DCC: variants seen among roughly 807,000 people sequenced by gnomAD.
DCC encodes netrin receptor DCC.
In DCC, 58 loss-of-function variants were observed where a neutral mutation model predicts 172.5. That is an observed-to-expected ratio of 0.34 (90% confidence interval 0.27 to 0.42). DCC has a LOEUF of 0.42. DCC is among the 10% of genes least tolerant of loss of function. The pLI is 1.00. For synonymous variants in DCC, 709 were observed against 644.5 expected, an observed-to-expected ratio of 1.10 and a Z score of -1.52; for missense variants, 1,740 against 1,791.0, an observed-to-expected ratio of 0.97 and a Z score of 0.51.
At chr18:52,961,286 T>C (rs891767656) in intron 5 of DCC, among the ~76,000 whole-genome samples, 8 of 152,142 alleles carry the variant, frequency 5.3e-5, no homozygotes, top group Non-Finnish European at 1.2e-4. Flanking sequence ...AAACTTAAAG[T>C]ATAATAAAAA....
chr18:52,776,182 A>T (rs191953854), intron 2 of DCC, among the ~76,000 whole-genome samples: 1 of 152,330 alleles, frequency 6.6e-6, no homozygotes, highest in Admixed American at 6.5e-5. Context: ...AAATAAAATA[A>T]TCCCAAGATA....
At chr18:52,987,004 A>G (rs1291353504) in intron 5 of DCC, among the ~76,000 whole-genome samples, 1 of 152,056 alleles carries the variant, frequency 6.6e-6, no homozygotes, top group Non-Finnish European at 1.5e-5. Context: ...TTGTATCTTC[A>G]GTAGAGAAGG....
rs7235142 is a variant in DCC at position 52,859,830 on chromosome 18, A to G, written c.413-46214A>G. ...ATTTCAGTTCCTACTTTGAAACTTCAAAAAATTACATACATAAAAAGGCAA... is the reference window on the plus strand; with the variant it reads ...ATTTCAGTTCCTACTTTGAAACTTCGAAAAATTACATACATAAAAAGGCAA... On this transcript the variant is annotated intron_variant, in intron 2 of 28. Transcript: ENST00000442544. Among the ~76,000 whole-genome samples the G allele has an allele frequency of 5.8e-3, 883 of 152,278 alleles. 8 individuals carry two copies. Among genetic ancestry groups the G allele is most frequent in the African/African-American group, 0.019 (801 of 41,526 alleles).
At chr18:52,451,997 C>T (rs765698626) in intron 1 of DCC, among the ~76,000 whole-genome samples, 5 of 152,158 alleles carry the variant, frequency 3.3e-5, no homozygotes, top group African/African-American at 7.2e-5. Context: ...GGCAATGTCA[C>T]GGCTTGTTGA....
chr18:52,957,637 C>T lies in DCC; in HGVS notation c.985+32267C>T, dbSNP rs202090918. Among the ~76,000 whole-genome samples, 4 of 152,152 alleles carry T rather than the reference C, an allele frequency of 2.6e-5. No individual in the cohort carries two copies. The East Asian group carries it at 7.7e-4, about 29-fold the overall frequency. On this transcript the variant is annotated intron_variant, in intron 5 of 28. Coordinates refer to ENST00000442544, the MANE Select transcript of DCC (RefSeq NM_005215.4). ...GAGAAGACTATAAAGTATGTGTGAA[C>T]AGAGGAAGGCTCTCTCACTCCACTG...
At chr18:53,129,533 T>C (rs1043335763) in intron 7 of DCC, among the ~76,000 whole-genome samples, 7 of 152,138 alleles carry the variant, frequency 4.6e-5, no homozygotes, top group Non-Finnish European at 8.8e-5. Flanking sequence ...TCTAACACCA[T>C]TGCATAGTTT....
intron 1 of DCC, among the ~76,000 whole-genome samples, chr18:52,452,284 C>T (rs1017261351): frequency 8.5e-5 from 13 of 152,306 alleles, no homozygotes; most frequent in Admixed American, 3.3e-4. Context: ...TACCATTCTA[C>T]AAATAAAACC....
chr18:53,325,987 A>G (rs895595488), intron 14 of DCC, among the ~76,000 whole-genome samples: 1 of 152,230 alleles, frequency 6.6e-6, no homozygotes, highest in Non-Finnish European at 1.5e-5. Flanking sequence ...ACATTTTTCA[A>G]GGAAATATTG....
intron 9 of DCC, among the ~76,000 whole-genome samples, chr18:53,184,181 A>G (rs752330005): frequency 9.9e-5 from 15 of 152,008 alleles, no homozygotes; most frequent in Non-Finnish European, 2.2e-4. Flanking sequence ...CAGTCAGCAC[A>G]TTTACATACT....
At chr18:52,525,228 G>A (rs530177026) in intron 1 of DCC, among the ~76,000 whole-genome samples, 6 of 152,130 alleles carry the variant, frequency 3.9e-5, no homozygotes, top group African/African-American at 1.4e-4. Flanking sequence ...TAGCCACTAG[G>A]ATGTCTAGTC....
At chr18:53,187,040 A>G (rs1252040187) in intron 9 of DCC, among the ~76,000 whole-genome samples, 1 of 152,032 alleles carries the variant, frequency 6.6e-6, no homozygotes, top group African/African-American at 2.4e-5. Context: ...TAATATTTGC[A>G]TTGGGGTTTA....
intron 27 of DCC, among the ~76,000 whole-genome samples, chr18:53,516,307 G>T (rs1265475611): frequency 6.7e-6 from 1 of 148,468 alleles, no homozygotes; most frequent in East Asian, 2.0e-4. Context: ...ATTCAAGATG[G>T]ATTAAAGACT....
chr18:53,246,480 CAT>C (rs897959654), intron 12 of DCC, among the ~76,000 whole-genome samples: 12 of 151,290 alleles, frequency 7.9e-5, no homozygotes, highest in African/African-American at 2.9e-4. Context: ...TATCTCAGCT[CAT>C]ATTTCTTTAT....
At chr18:52,636,202 G>C (rs2034777184) in intron 1 of DCC, among the ~76,000 whole-genome samples, 1 of 152,178 alleles carries the variant, frequency 6.6e-6, no homozygotes, top group African/African-American at 2.4e-5. Flanking sequence ...GAGCCCGCTG[G>C]GTTCTGGAGC....
chr18:53,126,102 C>T (rs1297833736), intron 7 of DCC, among the ~76,000 whole-genome samples: 3 of 152,014 alleles, frequency 2.0e-5, no homozygotes, highest in Non-Finnish European at 4.4e-5. Context: ...TTCCAGCTAA[C>T]CAGATAAAAG....
At chr18:52,672,340 A>G (rs2035569091) in intron 1 of DCC, among the ~76,000 whole-genome samples, 1 of 152,200 alleles carries the variant, frequency 6.6e-6, no homozygotes, top group Non-Finnish European at 1.5e-5. Context: ...ATGTCAATAG[A>G]TAAACCTAAA....
intron 5 of DCC, among the ~76,000 whole-genome samples, chr18:52,967,964 A>G (rs529530086): frequency 6.6e-6 from 1 of 152,298 alleles, no homozygotes; most frequent in Non-Finnish European, 1.5e-5. Context: ...TAAAATACAC[A>G]CATTTTACTT....
chr18:52,899,678 T>G (rs1257407138), intron 2 of DCC, among the ~76,000 whole-genome samples: 1 of 151,846 alleles, frequency 6.6e-6, no homozygotes, highest in Non-Finnish European at 1.5e-5. Context: ...TTTTTTTTTA[T>G]AGAGACAGAA....
At chr18:53,206,217 GTA>G (rs1039651629) in intron 10 of DCC, among the ~76,000 whole-genome samples, 2 of 15,124 alleles carry the variant, frequency 1.3e-4, no homozygotes, top group African/African-American at 6.1e-4. Context: ...ATATACATGT[GTA>G]TATATACATA....
Sources: allele counts gnomAD v4.1 joint callset (sites outside exome capture counted in the v4.1 genomes callset), GRCh38; gene constraint gnomAD v4.1.1; transcripts MANE v1.5; gene names NCBI Gene and HGNC (gene_info 2026-07-23, HGNC 2026-07-21).